Variants in SLC71A1 observed in about 807,000 individuals in gnomAD.
SLC71A1 encodes the protein hippocampus abundant gene transcript 1.
chr1:100,038,137 C>A, the SLC71A1 span: 4 of 1,096,894 alleles, frequency 3.6e-6, no homozygotes, highest in African/African-American at 3.1e-5. Flanking sequence ...GCGCCCAGAG[C>A]GGCTCGGCCC....
chr1:100,067,854 GGAAGA>G, the SLC71A1 span: 20 of 760,054 alleles, frequency 2.6e-5, no homozygotes, highest in East Asian at 5.2e-4. Flanking sequence ...GGCACAGGTA[GGAAGA>G]GAAAAGGGAG....
At chr1:100,046,539 T>C in the SLC71A1 span, among the ~76,000 whole-genome samples, 2 of 152,180 alleles carry the variant, frequency 1.3e-5, no homozygotes, top group African/African-American at 2.4e-5. Flanking sequence ...AGCCTTGTTC[T>C]TTTTGCTCAG....
At chr1:100,038,491 C>G in the SLC71A1 span, among the ~76,000 whole-genome samples, 2 of 152,190 alleles carry the variant, frequency 1.3e-5, no homozygotes, top group Non-Finnish European at 2.9e-5. Context: ...GGGAATCGTC[C>G]TCCGCTGCTC....
chr1:100,071,843 A>G, the SLC71A1 span, among the ~76,000 whole-genome samples: 1 of 152,202 alleles, frequency 6.6e-6, no homozygotes, highest in African/African-American at 2.4e-5. Flanking sequence ...TACAAGATGA[A>G]AAACAGTCTC....
chr1:100,043,717 C>T, the SLC71A1 span, among the ~76,000 whole-genome samples: 1 of 152,232 alleles, frequency 6.6e-6, no homozygotes, highest in Non-Finnish European at 1.5e-5. Flanking sequence ...CCCTCTCAAG[C>T]TTCCCCCCCA....
At chr1:100,069,633 A>G in the SLC71A1 span, 1 of 1,611,680 alleles carries the variant, frequency 6.2e-7, no homozygotes. Context: ...TTTTCACCAG[A>G]AAGTGTTGCA....
At chr1:100,059,921 C>G in the SLC71A1 span, 1 of 1,612,706 alleles carries the variant, frequency 6.2e-7, no homozygotes, top group East Asian at 2.2e-5. Context: ...GGTGCTCTTT[C>G]TGATGTTTGG....
the SLC71A1 span, chr1:100,068,403 C>A: frequency 9.2e-7 from 1 of 1,089,828 alleles, no homozygotes; most frequent in Non-Finnish European, 1.4e-6. Flanking sequence ...GGAATCTCTG[C>A]GTATTCTTAA....
At chr1:100,049,872 CT>C in the SLC71A1 span, 4 of 1,122,032 alleles carry the variant, frequency 3.6e-6, no homozygotes, top group East Asian at 2.4e-5. Flanking sequence ...GTACTGTTAA[CT>C]TTTTTTAACT....
the SLC71A1 span, among the ~76,000 whole-genome samples, chr1:100,073,362 A>G: frequency 5.3e-5 from 8 of 152,320 alleles, no homozygotes; most frequent in African/African-American, 1.9e-4. Flanking sequence ...TGCAACCAGA[A>G]TAAAATCTAG....
the SLC71A1 span, chr1:100,049,835 C>T: frequency 4.1e-6 from 3 of 736,108 alleles, no homozygotes; most frequent in East Asian, 2.7e-5. Context: ...CTATTAACAT[C>T]GTTGTTATTG....
At chr1:100,050,105 C>A in the SLC71A1 span, 1 of 676,194 alleles carries the variant, frequency 1.5e-6, no homozygotes, top group Non-Finnish European at 2.6e-6. Context: ...GTTAATTCTC[C>A]CACCAGTATT....
chr1:100,044,308 G>A, the SLC71A1 span, among the ~76,000 whole-genome samples: 1 of 152,142 alleles, frequency 6.6e-6, no homozygotes, highest in South Asian at 2.1e-4. Context: ...TGGTGATGTT[G>A]AGCATCTTTT....
chr1:100,060,553 C>T, the SLC71A1 span, among the ~76,000 whole-genome samples: 1 of 152,226 alleles, frequency 6.6e-6, no homozygotes, highest in South Asian at 2.1e-4. Context: ...AAAGTGGCTT[C>T]TTGAGCTCTA....
At chr1:100,073,158 C>G in the SLC71A1 span, among the ~76,000 whole-genome samples, 1 of 152,180 alleles carries the variant, frequency 6.6e-6, no homozygotes, top group Non-Finnish European at 1.5e-5. Flanking sequence ...TATCACCTCT[C>G]TCTCCAAAAT....
At chr1:100,082,014 C>T in the SLC71A1 span, 2 of 1,612,124 alleles carry the variant, frequency 1.2e-6, no homozygotes, top group Non-Finnish European at 1.7e-6. Context: ...ATTCCATCAT[C>T]CCTGGCCCTC....
the SLC71A1 span, among the ~76,000 whole-genome samples, chr1:100,072,340 T>C: frequency 2.0e-5 from 3 of 152,126 alleles, no homozygotes; most frequent in African/African-American, 7.2e-5. Context: ...TGCCTCCCCT[T>C]CCTCCACCCT....
chr1:100,078,313 CAT>C, the SLC71A1 span: 1 of 584,322 alleles, frequency 1.7e-6, no homozygotes, highest in African/African-American at 1.9e-5. Flanking sequence ...GCGACTTGCC[CAT>C]AGTCACCTAG....
the SLC71A1 span, among the ~76,000 whole-genome samples, chr1:100,076,109 A>G: frequency 1.3e-5 from 2 of 152,226 alleles, no homozygotes; most frequent in Non-Finnish European, 2.9e-5. Flanking sequence ...TTTAAGTGAA[A>G]GTCTTAGACA....
Sources: gnomAD v4.1 joint callset for allele counts (sites outside exome capture counted in the v4.1 genomes callset) on GRCh38, gnomAD v4.1.1 for gene constraint, MANE v1.5 for transcripts, NCBI Gene and HGNC (gene_info 2026-07-23, HGNC 2026-07-21) for gene names.